The following ANO10 variants were observed in gnomAD, a reference collection of about 807,000 sequenced individuals.
The protein encoded by ANO10 is anoctamin 10.
In ANO10, 77 loss-of-function variants were observed where a neutral mutation model predicts 74.7. The observed-to-expected ratio is 1.03, with a 90% confidence interval of 0.86 to 1.25. The LOEUF is 1.25. ANO10 is among the 50% of genes most tolerant of loss of function. ANO10 has a pLI of 0.00. For missense variants in ANO10, 721 were observed against 778.1 expected (o/e 0.93, Z 0.87); for synonymous variants, 279 against 284.9 (o/e 0.98, Z 0.21).
At chr3:43,609,218 TAG>T (rs938788255) in intron 1 of ANO10, among the ~76,000 whole-genome samples, 2 of 152,068 alleles carry the variant, frequency 1.3e-5, no homozygotes, top group African/African-American at 4.8e-5. Flanking sequence ...CTAGAGAAAA[TAG>T]AGTCATTAGA....
At position 43,574,868 on chromosome 3, in the gene ANO10, A is replaced by T; in HGVS notation, c.1163-4T>A. On this transcript the variant is annotated splice_region_variant and splice_polypyrimidine_tract_variant and intron_variant, in intron 6 of 12. Transcript: ENST00000292246. The stretch of plus-strand genomic sequence containing the variant: ...GCAGATTCCAATCTGTGATTCTCTA[A>T]AACATTAAAACACACAGGTAACTTC... The T allele has an allele frequency of 6.2e-7, 1 of 1,613,088 alleles. No individual in the cohort carries two copies. The highest frequency in any genetic ancestry group is 8.5e-7 in the Non-Finnish European group (1 of 1,179,058).
intron 1 of ANO10, among the ~76,000 whole-genome samples, chr3:43,648,768 C>G (rs948400929): frequency 1.3e-5 from 2 of 151,166 alleles, no homozygotes; most frequent in African/African-American, 4.9e-5. Context: ...GCTCCGCTTC[C>G]CGGGTTCACG....
At chr3:43,503,503 C>G (rs966407715) in intron 11 of ANO10, among the ~76,000 whole-genome samples, 2 of 152,146 alleles carry the variant, frequency 1.3e-5, no homozygotes, top group Non-Finnish European at 2.9e-5. Context: ...TATCTACTCC[C>G]TTCAGGATCC....
chr3:43,619,125 ACAG>A (rs2083265426), intron 1 of ANO10, among the ~76,000 whole-genome samples: 1 of 152,222 alleles, frequency 6.6e-6, no homozygotes, highest in Admixed American at 6.5e-5. Context: ...TCTTAATCAA[ACAG>A]TAGTCTATTC....
At chr3:43,425,085 G>C (rs2092877845) in intron 12 of ANO10, among the ~76,000 whole-genome samples, 1 of 151,898 alleles carries the variant, frequency 6.6e-6, no homozygotes, top group African/African-American at 2.4e-5. Context: ...TTCTGAACTA[G>C]ATGTTAGCAG....
chr3:43,505,198 C>CATGCCA (rs1264869152), intron 11 of ANO10, among the ~76,000 whole-genome samples: 4 of 152,116 alleles, frequency 2.6e-5, no homozygotes, highest in Admixed American at 1.3e-4. Context: ...TACTAAATAG[C>CATGCCA]ATGCCACTTA....
In ANO10 at chr3:43,437,865, G is replaced by GA. The variant is rs572553231; in HGVS notation, c.1798-5139dup. ...GCCAGCAAAAAACAAAAGGGCATCTGAAAAAAAAAAACAAAAAAAAACAAG... is the reference window on the plus strand; with the variant it reads ...GCCAGCAAAAAACAAAAGGGCATCTGAAAAAAAAAAAACAAAAAAAAACAAG... On this transcript the variant is annotated intron_variant, in intron 11 of 12. Transcript: ENST00000292246. 3.8e-3 allele frequency among the ~76,000 whole-genome samples: 411 copies of GA among 108,844 alleles called. 2 individuals carry two copies. Among genetic ancestry groups the GA allele is most frequent in the African/African-American group, 7.5e-3 (219 of 29,250 alleles). 71.4% of individuals were successfully genotyped at this position (108,844 alleles called of 152,430 possible).
At chr3:43,631,019 C>G (rs924969568) in intron 1 of ANO10, among the ~76,000 whole-genome samples, 1 of 152,192 alleles carries the variant, frequency 6.6e-6, no homozygotes, top group African/African-American at 2.4e-5. Flanking sequence ...AGGAGTTTGA[C>G]TGATGGTTCA....
At chr3:43,562,719 C>T (rs2080108228) in intron 8 of ANO10, among the ~76,000 whole-genome samples, 5 of 151,530 alleles carry the variant, frequency 3.3e-5, no homozygotes. Flanking sequence ...GAAAAAACAC[C>T]CTCTTCAATA....
intron 11 of ANO10, among the ~76,000 whole-genome samples, chr3:43,456,180 A>G (rs2075118308): frequency 6.6e-6 from 1 of 152,180 alleles, no homozygotes; most frequent in Non-Finnish European, 1.5e-5. Context: ...ATTAGGAGGA[A>G]AGGAAAAGGA....
intron 11 of ANO10, among the ~76,000 whole-genome samples, chr3:43,484,552 T>G (rs540573299): frequency 6.6e-6 from 1 of 152,082 alleles, no homozygotes; most frequent in Non-Finnish European, 1.5e-5. Context: ...GCCTTCAGGG[T>G]CTGCTGTCAT....
rs542559003 is a variant in ANO10 at position 43,675,205 on chromosome 3, A to T, written c.-12+16312T>A. ...ACAAAAACAAAACCTCGACCTAAAC[A>T]TCTCACTTCCATAAAAATTAACTCA... On this transcript the variant is annotated intron_variant, in intron 1 of 3. Coordinates refer to the ANO10 transcript ENST00000413397. Among the ~76,000 whole-genome samples the T allele has an allele frequency of 9.6e-4, 146 of 152,302 alleles. 3 individuals carry two copies. The highest frequency in any genetic ancestry group is 3.4e-3 in the African/African-American group (143 of 41,546).
chr3:43,418,467 T>C (rs1481806782), intron 12 of ANO10, among the ~76,000 whole-genome samples: 1 of 152,196 alleles, frequency 6.6e-6, no homozygotes, highest in Non-Finnish European at 1.5e-5. Context: ...ACAAATCACA[T>C]ATCCTTCTTA....
At chr3:43,576,493 C>T (rs2081000252) in intron 6 of ANO10, among the ~76,000 whole-genome samples, 199 bp downstream of exon 6, 1 of 152,158 alleles carries the variant, frequency 6.6e-6, no homozygotes, top group Non-Finnish European at 1.5e-5. Context: ...GTAATTAACA[C>T]ATAATAAATG....
chr3:43,547,469 G>A (rs2079249135), intron 11 of ANO10, among the ~76,000 whole-genome samples: 2 of 152,052 alleles, frequency 1.3e-5, no homozygotes, highest in African/African-American at 4.8e-5. Context: ...AAACCTGCAG[G>A]GAGCCTTCTT....
intron 11 of ANO10, among the ~76,000 whole-genome samples, chr3:43,456,495 A>T (rs547840353): frequency 6.6e-6 from 1 of 152,366 alleles, no homozygotes; most frequent in South Asian, 2.1e-4. Context: ...GAAAATGGAT[A>T]AGAAAACTTT....
chr3:43,372,213 TC>T (rs2091637893), intron 12 of ANO10, among the ~76,000 whole-genome samples: 1 of 151,890 alleles, frequency 6.6e-6, no homozygotes, highest in Non-Finnish European at 1.5e-5. Context: ...AGCCAGCATC[TC>T]AGACCATGGA....
At chr3:43,431,120 G>A (rs747384068) in intron 12 of ANO10, among the ~76,000 whole-genome samples, 10 of 149,908 alleles carry the variant, frequency 6.7e-5, no homozygotes, top group East Asian at 5.9e-4. Context: ...TTACCCAGGC[G>A]GGAGTGCAGT....
intron 1 of ANO10, among the ~76,000 whole-genome samples, chr3:43,681,522 G>A (rs1177717098): frequency 6.6e-6 from 1 of 152,036 alleles, no homozygotes; most frequent in Non-Finnish European, 1.5e-5. Context: ...AGATCAACGA[G>A]ACAGAAAGTA....
Sources: allele counts gnomAD v4.1 joint callset (sites outside exome capture counted in the v4.1 genomes callset), GRCh38; gene constraint gnomAD v4.1.1; transcripts MANE v1.5; gene names NCBI Gene and HGNC (gene_info 2026-07-23, HGNC 2026-07-21).